Variants in HPSE2 observed in about 807,000 individuals in gnomAD.
HPSE2 encodes heparanase 2 (inactive).
In HPSE2, 38 loss-of-function variants were observed where a neutral mutation model predicts 60.5. The observed-to-expected ratio is 0.63, with a 90% confidence interval of 0.48 to 0.82. The LOEUF (loss-of-function observed/expected upper bound fraction) is 0.82, where lower values mean the gene tolerates loss of function less well. Among genes scored for constraint, HPSE2 ranks in the 40% least tolerant of loss-of-function variants. The probability of loss-of-function intolerance (pLI) is 0.00; values close to 1 mark genes in which losing one functional copy is unlikely to be tolerated. For synonymous variants in HPSE2, 295 were observed against 293.2 expected (o/e 1.01, Z -0.06); for missense variants, 713 against 740.4 (o/e 0.96, Z 0.43).
chr10:98,584,816 G>A (rs1944895762), intron 9 of HPSE2, among the ~76,000 whole-genome samples: 1 of 152,134 alleles, frequency 6.6e-6, no homozygotes, highest in Non-Finnish European at 1.5e-5. Context: ...TTCTGGGAAA[G>A]CTAAGATTTG....
At chr10:98,735,180 T>C (rs1207945656) in intron 4 of HPSE2, among the ~76,000 whole-genome samples, 2 of 151,624 alleles carry the variant, frequency 1.3e-5, no homozygotes, top group African/African-American at 2.4e-5. Flanking sequence ...ACTAATGCAG[T>C]AAATTGGTAC....
intron 9 of HPSE2, among the ~76,000 whole-genome samples, chr10:98,568,359 A>T (rs768918330): frequency 6.6e-6 from 1 of 152,140 alleles, no homozygotes; most frequent in Non-Finnish European, 1.5e-5. Context: ...TCTACTTCAT[A>T]GGTCTGTTGT....
chr10:99,221,964 G>A (rs1396389511), intron 2 of HPSE2, among the ~76,000 whole-genome samples: 2 of 152,114 alleles, frequency 1.3e-5, no homozygotes, highest in East Asian at 3.9e-4. Flanking sequence ...GATGGAGAGA[G>A]GCTGAAAACA....
intron 11 of HPSE2, among the ~76,000 whole-genome samples, chr10:98,468,736 T>A (rs566457010): frequency 1.3e-5 from 2 of 152,152 alleles, no homozygotes; most frequent in South Asian, 2.1e-4. Flanking sequence ...GCTCTAGGAG[T>A]CATGCCTGGC....
At chr10:98,660,357 A>G (rs932796987) in intron 6 of HPSE2, among the ~76,000 whole-genome samples, 1 of 152,174 alleles carries the variant, frequency 6.6e-6, no homozygotes, top group Non-Finnish European at 1.5e-5. Context: ...AAGGGACTAC[A>G]TGATCATAAA....
intron 5 of HPSE2, among the ~76,000 whole-genome samples, chr10:98,705,759 G>A (rs1948531166): frequency 6.6e-6 from 1 of 152,068 alleles, no homozygotes; most frequent in Non-Finnish European, 1.5e-5. Flanking sequence ...CAGTCGCGGG[G>A]TGGGGGAGCG....
At chr10:99,101,433 G>A (rs1417106491) in intron 3 of HPSE2, among the ~76,000 whole-genome samples, 5 of 152,000 alleles carry the variant, frequency 3.3e-5, no homozygotes, top group South Asian at 2.1e-4. Flanking sequence ...CAACAAGATG[G>A]GCTAACTATC....
At chr10:99,072,027 T>C (rs200102020) in intron 3 of HPSE2, among the ~76,000 whole-genome samples, 1 of 37,242 alleles carries the variant, frequency 2.7e-5, no homozygotes, top group Non-Finnish European at 1.1e-4. Flanking sequence ...CTTTGTTTGT[T>C]TTTTTTTTTT....
chr10:99,173,867 C>T (rs151096603), intron 2 of HPSE2, among the ~76,000 whole-genome samples: 4 of 145,882 alleles, frequency 2.7e-5, no homozygotes, highest in African/African-American at 7.9e-5. Flanking sequence ...AGCTTGAACT[C>T]GTGAGGCAGA....
chr10:98,923,578 C>T (rs1954350692), intron 3 of HPSE2, among the ~76,000 whole-genome samples: 1 of 151,928 alleles, frequency 6.6e-6, no homozygotes, highest in Non-Finnish European at 1.5e-5. Flanking sequence ...ATGCTTCATT[C>T]TTTTTTATTC....
At chr10:98,833,354 G>C (rs1485629610) in intron 3 of HPSE2, among the ~76,000 whole-genome samples, 1 of 152,150 alleles carries the variant, frequency 6.6e-6, no homozygotes, top group Non-Finnish European at 1.5e-5. Flanking sequence ...ATAGATACAT[G>C]TGCCAAAGTC....
At chr10:98,810,566 G>A (rs949223268) in intron 3 of HPSE2, among the ~76,000 whole-genome samples, 3 of 152,048 alleles carry the variant, frequency 2.0e-5, no homozygotes, top group South Asian at 4.1e-4. Context: ...ACTGAAGTAT[G>A]AGCTTCATTA....
At chr10:98,777,220 C>CA (rs1388165195) in intron 3 of HPSE2, among the ~76,000 whole-genome samples, 2 of 152,156 alleles carry the variant, frequency 1.3e-5, no homozygotes, top group African/African-American at 4.8e-5. Flanking sequence ...AAGCCATTTA[C>CA]TCTCATCCCT....
intron 3 of HPSE2, among the ~76,000 whole-genome samples, chr10:98,883,285 G>C (rs988907779): frequency 2.0e-5 from 3 of 152,196 alleles, no homozygotes; most frequent in East Asian, 3.9e-4. Flanking sequence ...TGACCACAAG[G>C]CATGGGTGTT....
chr10:99,140,592 T>C (rs1335199496), intron 3 of HPSE2, among the ~76,000 whole-genome samples: 1 of 152,132 alleles, frequency 6.6e-6, no homozygotes, highest in Non-Finnish European at 1.5e-5. Context: ...CCCCATAAGG[T>C]TGACTTAACT....
At chr10:98,534,444 G>C (rs1034848597) in intron 9 of HPSE2, among the ~76,000 whole-genome samples, 3 of 151,062 alleles carry the variant, frequency 2.0e-5, no homozygotes, top group Non-Finnish European at 2.9e-5. Flanking sequence ...CACTCTTGTC[G>C]CCCAGGCTGG....
intron 9 of HPSE2, among the ~76,000 whole-genome samples, chr10:98,505,373 C>T (rs1055009219): frequency 1.3e-5 from 2 of 152,144 alleles, no homozygotes; most frequent in Admixed American, 6.5e-5. Context: ...GTTTAAGAAG[C>T]TCGTTCTAGA....
chr10:99,088,057 C>G (rs1177685513), intron 3 of HPSE2, among the ~76,000 whole-genome samples: 1 of 151,532 alleles, frequency 6.6e-6, no homozygotes. Context: ...CCCTGAAACA[C>G]AGTCAACATG....
intron 4 of HPSE2, among the ~76,000 whole-genome samples, chr10:98,732,477 C>A (rs995075096): frequency 6.6e-6 from 1 of 151,938 alleles, no homozygotes; most frequent in Admixed American, 6.6e-5. Flanking sequence ...AGAAACAAAA[C>A]TATGTATGGT....
Sources: gnomAD v4.1 joint callset for allele counts (sites outside exome capture counted in the v4.1 genomes callset) on GRCh38, gnomAD v4.1.1 for gene constraint, MANE v1.5 for transcripts, NCBI Gene and HGNC (gene_info 2026-07-23, HGNC 2026-07-21) for gene names.